The following ADCY5 variants were observed in gnomAD, a reference collection of about 807,000 sequenced individuals.
The protein encoded by ADCY5 is adenylate cyclase type 5.
A neutral mutation model predicts 119.7 loss-of-function variants in ADCY5; 30 were observed. That is an observed-to-expected ratio of 0.25 (90% CI 0.19 to 0.34). ADCY5 has a LOEUF of 0.34. Among genes scored for constraint, ADCY5 ranks in the 10% least tolerant of loss-of-function variants. The pLI, the probability that ADCY5 is intolerant of heterozygous loss-of-function variation, is 1.00. For missense variants in ADCY5, 1,324 were observed against 1,775.2 expected (o/e 0.75, Z 4.57); for synonymous variants, 753 against 762.2 (o/e 0.99, Z 0.20).
chr3:123,296,367 C>T (rs554029464), intron 16 of ADCY5, 151 bp from the exon 17 acceptor site: 12 of 924,608 alleles, frequency 1.3e-5, no homozygotes, highest in East Asian at 8.2e-5. Flanking sequence ...TTGCCGCACG[C>T]GTGCCTCCTC....
At chr3:123,418,551 T>C (rs894535851) in intron 1 of ADCY5, among the ~76,000 whole-genome samples, 3 of 152,122 alleles carry the variant, frequency 2.0e-5, no homozygotes, top group Non-Finnish European at 4.4e-5. Context: ...ACAAAACCTA[T>C]GGGCGCCCTG....
chr3:123,291,059 G>C, intron 18 of ADCY5, 54 bp downstream of exon 18: 1 of 1,562,274 alleles, frequency 6.4e-7, no homozygotes, highest in Non-Finnish European at 8.7e-7. Flanking sequence ...TCCCATACCA[G>C]GGACTTGTAG....
chr3:123,347,934 A>G, intron 2 of ADCY5, 31 bp from the exon 3 acceptor site: 1 of 1,612,484 alleles, frequency 6.2e-7, no homozygotes. Flanking sequence ...TTTCATCACC[A>G]CGCCTTCTAC....
At chr3:123,396,019 AGG>A (rs1386114642) in intron 1 of ADCY5, among the ~76,000 whole-genome samples, 2 of 112,128 alleles carry the variant, frequency 1.8e-5, no homozygotes, top group African/African-American at 3.4e-5. Flanking sequence ...AGAAAGAGAG[AGG>A]GAGGGAGGGA....
At chr3:123,325,081 G>A (rs917322997) in intron 8 of ADCY5, among the ~76,000 whole-genome samples, 5 of 152,248 alleles carry the variant, frequency 3.3e-5, no homozygotes, top group African/African-American at 4.8e-5. Context: ...GAGGGAGGAA[G>A]GGGTGCTGCC....
chr3:123,337,070 A>G (rs1942061159), intron 3 of ADCY5, among the ~76,000 whole-genome samples: 1 of 152,192 alleles, frequency 6.6e-6, no homozygotes, highest in African/African-American at 2.4e-5. Flanking sequence ...GCCTCAAGAA[A>G]GCTTCTACCA....
In ADCY5 at chr3:123,291,381, G is replaced by A. The variant is rs769779364; in HGVS notation, c.3064-5C>T. The A allele has an allele frequency of 4.4e-6, 7 of 1,604,334 alleles. No individual in the cohort carries two copies. In the East Asian group the frequency reaches 1.3e-4, roughly 31 times the overall value. Reference sequence around the variant, plus strand: ...CTCCTCTTTCTCCTCTGTGGCCTGAGAGAAAAAGACTGCAAGTCACCCAGA... The same window carrying A: ...CTCCTCTTTCTCCTCTGTGGCCTGAAAGAAAAAGACTGCAAGTCACCCAGA... On this transcript the variant is annotated splice_region_variant and splice_polypyrimidine_tract_variant and intron_variant, in intron 17 of 20. Transcript: ENST00000462833.
chr3:123,369,781 T>C (rs573999875), intron 1 of ADCY5, among the ~76,000 whole-genome samples: 2 of 152,250 alleles, frequency 1.3e-5, no homozygotes, highest in Non-Finnish European at 1.5e-5. Flanking sequence ...TTTCTTTCTA[T>C]GTAAAATGGG....
At chr3:123,381,027 A>G (rs942577980) in intron 1 of ADCY5, among the ~76,000 whole-genome samples, 1 of 152,168 alleles carries the variant, frequency 6.6e-6, no homozygotes, top group East Asian at 1.9e-4. Context: ...CAGTTTTGTC[A>G]TATGTATCAT....
At chr3:123,291,589 A>C (rs1041279764) in intron 17 of ADCY5, among the ~76,000 whole-genome samples, 1 of 152,148 alleles carries the variant, frequency 6.6e-6, no homozygotes, top group Non-Finnish European at 1.5e-5. Context: ...GACAATCAGA[A>C]AAGACATTTC....
chr3:123,311,587 A>G (rs940378444), intron 12 of ADCY5, among the ~76,000 whole-genome samples: 5 of 152,220 alleles, frequency 3.3e-5, no homozygotes, highest in African/African-American at 1.2e-4. Context: ...AAAGCGGACA[A>G]ACCCTGAGAA....
chr3:123,321,403 G>C (rs1418460360), intron 8 of ADCY5, among the ~76,000 whole-genome samples: 1 of 152,210 alleles, frequency 6.6e-6, no homozygotes, highest in East Asian at 1.9e-4. Context: ...TTCTATCAGA[G>C]TTGAGGGTGG....
At chr3:123,413,886 G>A (rs916957763) in intron 1 of ADCY5, among the ~76,000 whole-genome samples, 2 of 152,222 alleles carry the variant, frequency 1.3e-5, no homozygotes, top group African/African-American at 4.8e-5. Flanking sequence ...AACGGACAGA[G>A]TGAGGCCCAG....
rs1015749979 is a variant in ADCY5 at position 123,351,295 on chromosome 3, A to G, written c.1284+1137T>C. Among the ~76,000 whole-genome samples the G allele has an allele frequency of 1.3e-4, 20 of 152,190 alleles. 1 individual carries two copies. The highest frequency in any genetic ancestry group is 1.5e-5 in the Non-Finnish European group (1 of 68,018). On this transcript the variant is annotated intron_variant, in intron 2 of 20. Transcript: ENST00000462833. Reference sequence around the variant, plus strand: ...CTTAGGATGCAACCAGATGGCATCAAGGACACCCCCCACAGTACTAAAACA... The same window carrying G: ...CTTAGGATGCAACCAGATGGCATCAGGGACACCCCCCACAGTACTAAAACA...
chr3:123,319,481 G>A (rs1941099803), intron 10 of ADCY5, among the ~76,000 whole-genome samples, 193 bp downstream of exon 10: 1 of 152,168 alleles, frequency 6.6e-6, no homozygotes, highest in African/African-American at 2.4e-5. Context: ...GAGAAGTCAA[G>A]GTGTATCCCT....
chr3:123,308,519 C>G (rs909908188), intron 12 of ADCY5, among the ~76,000 whole-genome samples: 7 of 152,122 alleles, frequency 4.6e-5, no homozygotes, highest in Non-Finnish European at 8.8e-5. Flanking sequence ...CTAGATTTTA[C>G]TAACCCCAGT....
At chr3:123,354,505 C>G (rs1381506060) in intron 1 of ADCY5, among the ~76,000 whole-genome samples, 2 of 152,094 alleles carry the variant, frequency 1.3e-5, no homozygotes, top group African/African-American at 4.8e-5. Context: ...TGAAGTGAGA[C>G]CCCAAAAACA....
At chr3:123,401,060 G>A (rs112650236) in intron 1 of ADCY5, among the ~76,000 whole-genome samples, 1 of 152,144 alleles carries the variant, frequency 6.6e-6, no homozygotes, top group African/African-American at 2.4e-5. Flanking sequence ...GGACACACAT[G>A]TATGTCCACA....
chr3:123,376,330 CG>C (rs1163869332), intron 1 of ADCY5, among the ~76,000 whole-genome samples: 3 of 152,032 alleles, frequency 2.0e-5, no homozygotes, highest in African/African-American at 7.2e-5. Context: ...AGCTCTGGGA[CG>C]GTGGACTGTC....
Sources: allele counts gnomAD v4.1 joint callset (sites outside exome capture counted in the v4.1 genomes callset), GRCh38; gene constraint gnomAD v4.1.1; transcripts MANE v1.5; gene names NCBI Gene and HGNC (gene_info 2026-07-23, HGNC 2026-07-21).